SULT1B1: variants seen among roughly 807,000 people sequenced by gnomAD.
SULT1B1 encodes the protein sulfotransferase 1B1.
SULT1B1 carries 28 observed loss-of-function variants against 34.6 expected under a neutral mutation model. The ratio of observed to expected loss-of-function variants is 0.81; its 90% CI spans 0.60 to 1.11. SULT1B1 has a LOEUF of 1.11. Ranked by LOEUF, SULT1B1 falls within the 50% of genes least tolerant of loss-of-function variation. The pLI, the probability that SULT1B1 is intolerant of heterozygous loss-of-function variation, is 0.00. For missense variants in SULT1B1, 374 were observed against 352.2 expected (o/e 1.06, Z -0.50); for synonymous variants, 147 against 110.2 (o/e 1.33, Z -2.09).
intron 1 of SULT1B1, chr4:69,758,320 T>G (rs533789449): frequency 2.0e-6 from 2 of 985,290 alleles, no homozygotes; most frequent in Non-Finnish European, 2.4e-6. Context: ...TCTTTTGATA[T>G]CTTGAGAATA....
chr4:69,742,161 T>A (rs143927720), intron 4 of SULT1B1, among the ~76,000 whole-genome samples: 124 of 152,350 alleles, frequency 8.1e-4, no homozygotes, highest in African/African-American at 2.9e-3. Context: ...ACTTTCTGTA[T>A]GAATCACACC....
intron 7 of SULT1B1, among the ~76,000 whole-genome samples, chr4:69,728,979 T>A (rs1166667433): frequency 6.6e-6 from 1 of 152,014 alleles, no homozygotes; most frequent in South Asian, 2.1e-4. Flanking sequence ...GCAAGTGCTT[T>A]TTTTCTATTG....
At chr4:69,737,149 C>T (rs1718351821) in intron 4 of SULT1B1, among the ~76,000 whole-genome samples, 1 of 152,120 alleles carries the variant, frequency 6.6e-6, no homozygotes, top group Middle Eastern at 3.4e-3. Context: ...ATTCAAATGA[C>T]AAGTTTCTCA....
At chr4:69,736,290 C>T (rs1044613687) in intron 4 of SULT1B1, among the ~76,000 whole-genome samples, 4 of 152,328 alleles carry the variant, frequency 2.6e-5, no homozygotes, top group Admixed American at 6.5e-5. Flanking sequence ...CCACATACTT[C>T]TAGACATGTT....
At chr4:69,753,244 T>G (rs1347756065) in intron 3 of SULT1B1, among the ~76,000 whole-genome samples, 1 of 152,220 alleles carries the variant, frequency 6.6e-6, no homozygotes, top group Non-Finnish European at 1.5e-5. Flanking sequence ...GGTTCCATAG[T>G]CCACTTGCTT....
chr4:69,738,892 T>C (rs1718425734), intron 4 of SULT1B1, among the ~76,000 whole-genome samples: 1 of 151,358 alleles, frequency 6.6e-6, no homozygotes, highest in Non-Finnish European at 1.5e-5. Flanking sequence ...GGGAAAAAAA[T>C]GGTTGAAACA....
chr4:69,739,544 G>T (rs1316292958), intron 4 of SULT1B1, among the ~76,000 whole-genome samples: 1 of 152,208 alleles, frequency 6.6e-6, no homozygotes, highest in Non-Finnish European at 1.5e-5. Flanking sequence ...TAGCAGGAGG[G>T]CCCTGGGTCT....
chr4:69,728,853 ATTAATG>A (rs1717946758), intron 7 of SULT1B1, among the ~76,000 whole-genome samples: 1 of 152,044 alleles, frequency 6.6e-6, no homozygotes, highest in African/African-American at 2.4e-5. Context: ...TGGCAGGTTA[ATTAATG>A]TATTCAGGGA....
At chr4:69,741,865 C>T (rs1192126596) in intron 4 of SULT1B1, among the ~76,000 whole-genome samples, 1 of 152,084 alleles carries the variant, frequency 6.6e-6, no homozygotes, top group Non-Finnish European at 1.5e-5. Flanking sequence ...TATTTGCATG[C>T]CTTTTATTTC....
At chr4:69,752,716 G>A (rs1385342195) in intron 3 of SULT1B1, among the ~76,000 whole-genome samples, 1 of 152,222 alleles carries the variant, frequency 6.6e-6, no homozygotes, top group Non-Finnish European at 1.5e-5. Context: ...TCTGCCTACG[G>A]AAGTAACTAG....
intron 7 of SULT1B1, among the ~76,000 whole-genome samples, chr4:69,727,643 A>C (rs1717888941): frequency 6.6e-6 from 1 of 152,014 alleles, no homozygotes; most frequent in African/African-American, 2.4e-5. Flanking sequence ...CTGTGAAATA[A>C]AAAGTTGATA....
At chr4:69,758,114 C>A (rs1459552862) in intron 1 of SULT1B1, among the ~76,000 whole-genome samples, 1 of 152,134 alleles carries the variant, frequency 6.6e-6, no homozygotes, top group East Asian at 1.9e-4. Context: ...AAAGATTCTC[C>A]AGCATGAAAT....
intron 1 of SULT1B1, chr4:69,758,509 G>A (rs1042702445): frequency 1.1e-5 from 11 of 979,720 alleles, no homozygotes; most frequent in Non-Finnish European, 1.3e-5. Context: ...AATATCAATG[G>A]CACACCTCAT....
rs373543457 is a variant in SULT1B1 at position 69,749,736 on chromosome 4, C to T, written c.360G>A (p.Trp120Ter). 1.5e-5 allele frequency: 24 copies of T among 1,613,112 alleles called. No individual in the cohort carries two copies. The Middle Eastern group carries it at 8.2e-4, about 55-fold the overall frequency. ...LPTDLLPKSFWENNCKMIYLA... is the reference protein window; with the variant it reads ...LPTDLLPKSF ...TGGAGTATACCTTGCAATTGTTTTC[C>T]CAGAAAGATTTAGGAAGAAGATCAG... The change falls in exon 4 of 8, where the codon TGG (tryptophan) becomes TGA (stop). Residue 120 changes from tryptophan (W) to a stop codon, truncating the protein, a stop_gained. Transcript: ENST00000310613. LOFTEE classifies it high-confidence loss of function.
chr4:69,755,647 C>T (rs1719160397), intron 1 of SULT1B1, among the ~76,000 whole-genome samples: 1 of 152,102 alleles, frequency 6.6e-6, no homozygotes, highest in South Asian at 2.1e-4. Context: ...TCATTCTGAC[C>T]TTTGATTTTC....
chr4:69,755,293 C>A, intron 1 of SULT1B1, 32 bp from the exon 2 acceptor site: 1 of 1,518,568 alleles, frequency 6.6e-7, no homozygotes, highest in Non-Finnish European at 9.0e-7. Context: ...AAATCAGAAT[C>A]TGAGTAACTA....
intron 4 of SULT1B1, among the ~76,000 whole-genome samples, chr4:69,747,587 A>G (rs146158098): frequency 2.6e-5 from 4 of 152,140 alleles, no homozygotes; most frequent in Admixed American, 2.6e-4. Context: ...AAATATGGAG[A>G]GCCTTGGGGG....
At position 69,726,547 on chromosome 4, in the gene SULT1B1, G is replaced by A. The variant is rs1331624715; in HGVS notation, c.*541C>T. The A allele has an allele frequency of 1.3e-5, 2 of 151,990 alleles. No individual in the cohort carries two copies. Among genetic ancestry groups the A allele is most frequent in the Non-Finnish European group, 1.5e-5 (1 of 67,984 alleles). The allele number at this position is 151,990 out of a possible 1,614,324, so 9.4% of individuals were successfully genotyped here. A position where few individuals can be genotyped will look rare whatever the true frequency, so the allele number is the denominator to read the frequency against. Reference sequence around the variant, plus strand: ...AAGATTTCCAAAATCTGAACTACATGATCGGGGACATGAACTTTGTTATCC... The same window carrying A: ...AAGATTTCCAAAATCTGAACTACATAATCGGGGACATGAACTTTGTTATCC... On this transcript the variant is annotated 3_prime_UTR_variant, in exon 8 of 8. Coordinates refer to ENST00000310613, the MANE Select transcript of SULT1B1 (RefSeq NM_014465.4).
At chr4:69,758,357 G>A (rs1342358468) in intron 1 of SULT1B1, 13 of 985,212 alleles carry the variant, frequency 1.3e-5, no homozygotes, top group Non-Finnish European at 1.6e-5. Flanking sequence ...TGGATATAAA[G>A]GAATCAGAGT....
Sources: allele counts gnomAD v4.1 joint callset (sites outside exome capture counted in the v4.1 genomes callset), GRCh38; gene constraint gnomAD v4.1.1; transcripts MANE v1.5; gene names NCBI Gene and HGNC (gene_info 2026-07-23, HGNC 2026-07-21).